Variants in PDE4D observed in about 807,000 individuals in gnomAD.
PDE4D encodes the protein 3',5'-cyclic-AMP phosphodiesterase 4D.
In PDE4D, 24 loss-of-function variants were observed where a neutral mutation model predicts 87.4. The ratio of observed to expected loss-of-function variants is 0.27; its 90% confidence interval spans 0.20 to 0.39. PDE4D has a LOEUF of 0.39. Ranked by LOEUF, PDE4D falls within the 10% of genes least tolerant of loss-of-function variation. The pLI, the probability that PDE4D is intolerant of heterozygous loss-of-function variation, is 1.00. For missense variants in PDE4D, 714 were observed against 1,041.0 expected (o/e 0.69, Z 4.32); for synonymous variants, 384 against 383.2 (o/e 1.00, Z -0.02).
chr5:59,260,260 A>G (rs562262023), intron 1 of PDE4D, among the ~76,000 whole-genome samples: 17 of 151,876 alleles, frequency 1.1e-4, no homozygotes, highest in Non-Finnish European at 1.9e-4. Flanking sequence ...TTTAGTATTC[A>G]ATTAAGACTT....
intron 3 of PDE4D, among the ~76,000 whole-genome samples, chr5:59,922,448 C>G (rs1754774159): frequency 6.6e-6 from 1 of 152,120 alleles, no homozygotes; most frequent in Non-Finnish European, 1.5e-5. Flanking sequence ...GAGACTCCTT[C>G]CCTCCACCTA....
chr5:59,798,407 G>A (rs1766751026), intron 1 of PDE4D, among the ~76,000 whole-genome samples: 1 of 152,020 alleles, frequency 6.6e-6, no homozygotes, highest in African/African-American at 2.4e-5. Flanking sequence ...CTTCTATCAA[G>A]TTGTGGTAAT....
At chr5:59,492,699 A>C (rs540984383) in intron 1 of PDE4D, among the ~76,000 whole-genome samples, 1 of 151,850 alleles carries the variant, frequency 6.6e-6, no homozygotes, top group East Asian at 1.9e-4. Context: ...TGATAGGTCT[A>C]TTATATGTTT....
At chr5:60,303,493 G>A (rs1162623233) in intron 1 of PDE4D, among the ~76,000 whole-genome samples, 1 of 151,854 alleles carries the variant, frequency 6.6e-6, no homozygotes, top group Non-Finnish European at 1.5e-5. Context: ...ATTTTTAGTA[G>A]AGACGGGGTT....
chr5:59,191,154 T>G (rs1184642131), intron 3 of PDE4D, among the ~76,000 whole-genome samples: 1 of 152,160 alleles, frequency 6.6e-6, no homozygotes, highest in African/African-American at 2.4e-5. Context: ...ATTACATATA[T>G]GTGTGTATTT....
chr5:59,156,331 A>ATATATATGTGTGTG (rs1384479557), intron 5 of PDE4D, among the ~76,000 whole-genome samples: 6 of 122,768 alleles, frequency 4.9e-5, no homozygotes, highest in African/African-American at 2.0e-4. Flanking sequence ...ATATATATAT[A>ATATATATGTGTGTG]TGTGTGTGTG....
At position 59,363,660 on chromosome 5, in the gene PDE4D, T is replaced by G. The variant is rs189194731; in HGVS notation, c.456-147692A>C. Among the ~76,000 whole-genome samples the G allele has an allele frequency of 7.9e-5, 12 of 152,312 alleles. No homozygotes were observed. The East Asian group carries it at 2.3e-3, about 29-fold the overall frequency. ...TTATAGATGAGAAATCTGAGACTCATAGAGGTTAAGGAACTTGGCTAACAC... is the reference window on the plus strand; with the variant it reads ...TTATAGATGAGAAATCTGAGACTCAGAGAGGTTAAGGAACTTGGCTAACAC... On this transcript the variant is annotated intron_variant, in intron 1 of 14. Coordinates refer to ENST00000340635, the MANE Select transcript of PDE4D (RefSeq NM_001104631.2).
intron 5 of PDE4D, among the ~76,000 whole-genome samples, chr5:59,041,768 TG>T (rs1210247685): frequency 3.3e-5 from 5 of 152,204 alleles, no homozygotes; most frequent in Non-Finnish European, 5.9e-5. Flanking sequence ...TTCCCAAAGC[TG>T]TTCAGACTCA....
chr5:59,536,998 CAGA>C (rs1815399853), intron 1 of PDE4D, among the ~76,000 whole-genome samples: 1 of 152,022 alleles, frequency 6.6e-6, no homozygotes, highest in South Asian at 2.1e-4. Context: ...CTGAAGTTTA[CAGA>C]AGATTTAATA....
intron 1 of PDE4D, among the ~76,000 whole-genome samples, chr5:59,557,607 T>A (rs1819180942): frequency 6.6e-6 from 1 of 152,188 alleles, no homozygotes; most frequent in South Asian, 2.1e-4. Context: ...TCTACCAATA[T>A]ATATCCTATG....
At chr5:60,517,668 T>A (rs1235478978) in intron 1 of PDE4D, among the ~76,000 whole-genome samples, 2 of 152,184 alleles carry the variant, frequency 1.3e-5, no homozygotes, top group African/African-American at 4.8e-5. Flanking sequence ...TCTTGAGAGC[T>A]GCAGGCTTGA....
At chr5:59,737,737 C>G (rs142853003) in intron 1 of PDE4D, among the ~76,000 whole-genome samples, 2 of 151,968 alleles carry the variant, frequency 1.3e-5, no homozygotes, top group African/African-American at 2.4e-5. Flanking sequence ...TTGCTATTGA[C>G]CCAATGTTTA....
intron 5 of PDE4D, among the ~76,000 whole-genome samples, chr5:59,140,261 C>T (rs944894997): frequency 6.6e-6 from 1 of 152,190 alleles, no homozygotes; most frequent in African/African-American, 2.4e-5. Context: ...GCGAGTCACA[C>T]TTCTGTCAAA....
chr5:59,517,421 A>G (rs1811368113), intron 1 of PDE4D, among the ~76,000 whole-genome samples: 1 of 152,236 alleles, frequency 6.6e-6, no homozygotes, highest in Admixed American at 6.5e-5. Context: ...GCCTACTTTT[A>G]CAGTCACCTT....
At chr5:59,561,907 G>A (rs1452900708) in intron 1 of PDE4D, among the ~76,000 whole-genome samples, 1 of 149,524 alleles carries the variant, frequency 6.7e-6, no homozygotes, top group Non-Finnish European at 1.5e-5. Context: ...ACTCCAGCCT[G>A]GGCAACAAGA....
chr5:59,805,953 C>T (rs1767686278), intron 1 of PDE4D, among the ~76,000 whole-genome samples: 2 of 152,208 alleles, frequency 1.3e-5, no homozygotes, highest in African/African-American at 4.8e-5. Context: ...CTGTTTCCAG[C>T]CATTCTCCAA....
At chr5:59,034,774 A>G (rs1348528156) in intron 6 of PDE4D, among the ~76,000 whole-genome samples, 1 of 152,234 alleles carries the variant, frequency 6.6e-6, no homozygotes, top group African/African-American at 2.4e-5. Flanking sequence ...AAAAATCTGA[A>G]GTCTCTTAGA....
At chr5:60,339,352 A>G (rs1415440257) in intron 1 of PDE4D, among the ~76,000 whole-genome samples, 1 of 152,142 alleles carries the variant, frequency 6.6e-6, no homozygotes, top group Admixed American at 6.5e-5. Flanking sequence ...TCTGCTAATG[A>G]GACGGCTACT....
At chr5:59,004,136 T>TAAA (rs397837550) in intron 6 of PDE4D, among the ~76,000 whole-genome samples, 1 of 150,260 alleles carries the variant, frequency 6.7e-6, no homozygotes, top group South Asian at 2.1e-4. Flanking sequence ...TACATAGATT[T>TAAA]AAAAAAAAAA....
Sources: allele counts gnomAD v4.1 joint callset (sites outside exome capture counted in the v4.1 genomes callset), GRCh38; gene constraint gnomAD v4.1.1; transcripts MANE v1.5; gene names NCBI Gene and HGNC (gene_info 2026-07-23, HGNC 2026-07-21).